WNT3: variants seen among roughly 807,000 people sequenced by gnomAD.
WNT3 encodes proto-oncogene Wnt-3.
WNT3 carries 7 observed loss-of-function variants against 34.2 expected under a neutral mutation model. That is an observed-to-expected ratio of 0.20 (90% CI 0.12 to 0.38). WNT3 has a LOEUF of 0.38. WNT3 is among the 10% of genes least tolerant of loss of function. The pLI is 1.00. For missense variants in WNT3, 267 were observed against 499.8 expected (o/e 0.53, Z 4.44); for synonymous variants, 212 against 211.5 (o/e 1.00, Z -0.02).
intron 1 of WNT3, among the ~76,000 whole-genome samples, chr17:46,804,740 T>TA (rs2084170602): frequency 6.6e-6 from 1 of 152,076 alleles, no homozygotes; most frequent in Non-Finnish European, 1.5e-5. Context: ...TTGGAGAACT[T>TA]TTCTGTCTTA....
At position 46,768,192 on chromosome 17, in the gene WNT3, A is replaced by G; in HGVS notation, c.*8+120T>C. 6.9e-7 allele frequency: 1 copy of G among 1,440,198 alleles called. No homozygotes were observed. The highest frequency in any genetic ancestry group is 2.0e-5 in the Admixed American group (1 of 49,752). The allele number at this position is 1,440,198 out of a possible 1,614,324, so 89.2% of individuals were successfully genotyped here. A position where few individuals can be genotyped will look rare whatever the true frequency, so the allele number is the denominator to read the frequency against. On this transcript the variant is annotated intron_variant, in intron 4 of 4. Coordinates refer to ENST00000225512, the MANE Select transcript of WNT3 (RefSeq NM_030753.5). The surrounding 1 kb of genome is among the most constrained non-coding windows in gnomAD (Gnocchi z 5.0). ...CCTAGCTTCCTATTTTGGCTGTGGG[A>G]ACTTGTGTGTCTTGGATAGCTTAGA...
At chr17:46,817,736 C>T (rs768381760) in intron 1 of WNT3, among the ~76,000 whole-genome samples, 16 of 152,088 alleles carry the variant, frequency 1.1e-4, no homozygotes, top group Non-Finnish European at 2.2e-4. Context: ...CTCCCTTTCT[C>T]CTCGGTCCTC....
At chr17:46,818,219 C>T (rs2084378209) in intron 1 of WNT3, among the ~76,000 whole-genome samples, 1 of 151,846 alleles carries the variant, frequency 6.6e-6, no homozygotes. Context: ...TCTTCGGGGG[C>T]CTCTAGATTG....
At chr17:46,775,675 G>A (rs1199740183) in intron 1 of WNT3, among the ~76,000 whole-genome samples, 1 of 146,314 alleles carries the variant, frequency 6.8e-6, no homozygotes, top group African/African-American at 2.6e-5. Context: ...ATGCAGTGAC[G>A]TGATCTCGGC....
intron 1 of WNT3, among the ~76,000 whole-genome samples, chr17:46,796,703 G>C (rs1179488206): frequency 6.6e-6 from 1 of 152,184 alleles, no homozygotes; most frequent in Non-Finnish European, 1.5e-5. Context: ...AGACAGCCCG[G>C]GTGTCCCCTG....
Position 46,768,652 on chromosome 17 carries a change from C to T in WNT3, c.736G>A (p.Val246Ile). The change falls in exon 4 of 5, where the codon GTA becomes ATA. Residue 246 changes from valine (V) to isoleucine (I), a missense_variant. By Grantham distance (29) the Val-to-Ile change is conservative (BLOSUM62 3). Coordinates refer to ENST00000225512, the MANE Select transcript of WNT3 (RefSeq NM_030753.5). The surrounding 1 kb of genome is among the most constrained non-coding windows in gnomAD (Gnocchi z 5.0). ...CCTCGGGACTCACGGTGCTTCTCTA[C>T]TACCATCTCCGAGGCGCTGTCATAC... Reference protein sequence around the residue: ...DKYDSASEMVVEKHRESRGWV... With the variant: ...DKYDSASEMVIEKHRESRGWV... The T allele has an allele frequency of 1.2e-6, 2 of 1,614,202 alleles. No individual in the cohort carries two copies. The highest frequency in any genetic ancestry group is 1.7e-6 in the Non-Finnish European group (2 of 1,180,042).
intron 1 of WNT3, among the ~76,000 whole-genome samples, chr17:46,793,012 C>A (rs776214993): frequency 4.0e-5 from 6 of 151,684 alleles, no homozygotes; most frequent in Non-Finnish European, 5.9e-5. Context: ...CACCTGTAAA[C>A]CCGGCACTTT....
Position 46,768,846 on chromosome 17 carries a change from G to A in WNT3, c.589-47C>T, listed in dbSNP as rs960862838. On this transcript the variant is annotated intron_variant, in intron 3 of 4. Coordinates refer to ENST00000225512, the MANE Select transcript of WNT3 (RefSeq NM_030753.5). The surrounding 1 kb of genome is among the most constrained non-coding windows in gnomAD (Gnocchi z 5.0). ...TGGCCAACAGACCGACCCCACGAGG[G>A]GGCACATCCAGGCCTTCCCTCTCTG... The A allele has an allele frequency of 9.4e-6, 15 of 1,598,112 alleles. No individual in the cohort carries two copies. The highest frequency in any genetic ancestry group is 1.1e-5 in the South Asian group (1 of 89,272).
intron 1 of WNT3, among the ~76,000 whole-genome samples, chr17:46,786,178 T>C (rs1468505369): frequency 2.0e-5 from 3 of 149,936 alleles, no homozygotes; most frequent in Non-Finnish European, 4.4e-5. Flanking sequence ...CATGGAGCAG[T>C]CTGGTGGGAC....
intron 1 of WNT3, among the ~76,000 whole-genome samples, chr17:46,792,054 G>T (rs1046636591): frequency 4.7e-4 from 72 of 152,232 alleles, no homozygotes; most frequent in Non-Finnish European, 8.1e-4. Flanking sequence ...CAAAACAAAA[G>T]AAAACAACTC....
chr17:46,809,847 A>C (rs2084248012), intron 1 of WNT3, among the ~76,000 whole-genome samples: 1 of 151,992 alleles, frequency 6.6e-6, no homozygotes, highest in Non-Finnish European at 1.5e-5. Context: ...CAGGACCCCT[A>C]CAGGAAGGAG....
At chr17:46,805,446 G>A (rs567011655) in intron 1 of WNT3, among the ~76,000 whole-genome samples, 543 of 151,842 alleles carry the variant, frequency 3.6e-3, no homozygotes, top group Non-Finnish European at 5.8e-3. Context: ...GGTGGCGGGC[G>A]CCTATAATCC....
intron 1 of WNT3, among the ~76,000 whole-genome samples, chr17:46,816,778 C>T (rs144407330): frequency 4.6e-5 from 7 of 152,146 alleles, no homozygotes; most frequent in Non-Finnish European, 8.8e-5. Flanking sequence ...ACCTATGGGC[C>T]GCCAAACCTT....
intron 1 of WNT3, among the ~76,000 whole-genome samples, chr17:46,789,981 G>A (rs559636220): frequency 9.2e-4 from 140 of 152,302 alleles, no homozygotes; most frequent in African/African-American, 3.3e-3. Flanking sequence ...AGGATGGGCA[G>A]GTGAAGACAG....
At chr17:46,789,727 C>T (rs1805424945) in intron 1 of WNT3, among the ~76,000 whole-genome samples, 1 of 152,208 alleles carries the variant, frequency 6.6e-6, no homozygotes, top group African/African-American at 2.4e-5. Flanking sequence ...ACTTTGAGGC[C>T]ACAGTGCACT....
intron 1 of WNT3, among the ~76,000 whole-genome samples, chr17:46,812,120 G>A (rs1352263169): frequency 6.6e-6 from 1 of 152,158 alleles, no homozygotes; most frequent in Non-Finnish European, 1.5e-5. Context: ...ATGGGATCCA[G>A]CTTCCTTCCT....
At chr17:46,779,403 G>C (rs1415540349) in intron 1 of WNT3, among the ~76,000 whole-genome samples, 1 of 152,070 alleles carries the variant, frequency 6.6e-6, no homozygotes, top group African/African-American at 2.4e-5. Flanking sequence ...GCTGGGCCAG[G>C]GGCTATTTAT....
chr17:46,817,699 T>G (rs895733571), intron 1 of WNT3, among the ~76,000 whole-genome samples: 2 of 151,200 alleles, frequency 1.3e-5, no homozygotes, highest in South Asian at 2.1e-4. Flanking sequence ...TATCCACATT[T>G]CTCAGGGACG....
chr17:46,788,072 G>A (rs2059527341), intron 1 of WNT3, among the ~76,000 whole-genome samples: 1 of 152,112 alleles, frequency 6.6e-6, no homozygotes, highest in Non-Finnish European at 1.5e-5. Flanking sequence ...CAAGGAATAG[G>A]TGTGCTGAGG....
Sources: gnomAD v4.1 joint callset for allele counts (sites outside exome capture counted in the v4.1 genomes callset) on GRCh38, gnomAD v4.1.1 for gene constraint, Gnocchi (gnomAD v3.1) non-coding constraint, MANE v1.5 for transcripts, NCBI Gene and HGNC (gene_info 2026-07-23, HGNC 2026-07-21) for gene names.